The following CNBD1 variants were observed in gnomAD, a reference collection of about 807,000 sequenced individuals.
The protein encoded by CNBD1 is cyclic nucleotide-binding domain-containing protein 1.
In CNBD1, 71 loss-of-function variants were observed where a neutral mutation model predicts 54.4. The observed-to-expected ratio is 1.30, with a 90% CI of 1.08 to 1.59. The LOEUF (loss-of-function observed/expected upper bound fraction) is 1.59. CNBD1 is among the 40% of genes most tolerant of loss of function. The probability of loss-of-function intolerance (pLI) is 0.00; values close to 1 mark genes in which losing one functional copy is unlikely to be tolerated. For synonymous variants in CNBD1, 182 were observed against 170.7 expected (o/e 1.07, Z -0.51); for missense variants, 659 against 518.0 (o/e 1.27, Z -2.64).
intron 4 of CNBD1, among the ~76,000 whole-genome samples, chr8:87,107,772 C>G (rs1811571800): frequency 6.6e-6 from 1 of 152,144 alleles, no homozygotes; most frequent in East Asian, 1.9e-4. Flanking sequence ...AAGTATCTGA[C>G]CAATGGCACT....
intron 4 of CNBD1, among the ~76,000 whole-genome samples, chr8:87,132,508 A>C (rs1290590047): frequency 6.6e-6 from 1 of 150,542 alleles, no homozygotes; most frequent in African/African-American, 2.4e-5. Flanking sequence ...AATTTTTTTT[A>C]TTTACCCTGT....
chr8:87,074,120 A>T (rs1810816510), intron 4 of CNBD1, among the ~76,000 whole-genome samples: 2 of 143,252 alleles, frequency 1.4e-5, no homozygotes, highest in Non-Finnish European at 3.0e-5. Context: ...AAAAAAAGGC[A>T]GCAGTCTGGC....
chr8:87,421,319 A>T (rs1807932126), intron 2 of CNBD1, among the ~76,000 whole-genome samples: 1 of 151,306 alleles, frequency 6.6e-6, no homozygotes, highest in Non-Finnish European at 1.5e-5. Context: ...ACATGTGCAC[A>T]TTGTGCAGGT....
At chr8:87,395,910 G>A (rs375879786) in intron 2 of CNBD1, among the ~76,000 whole-genome samples, 20 of 151,902 alleles carry the variant, frequency 1.3e-4, no homozygotes, top group African/African-American at 2.9e-4. Flanking sequence ...CTCCTCCTTC[G>A]CTCAGTACCT....
chr8:87,363,966 TG>T (rs917481351), intron 10 of CNBD1, among the ~76,000 whole-genome samples: 65 of 129,264 alleles, frequency 5.0e-4, no homozygotes, highest in African/African-American at 1.2e-3. Flanking sequence ...TAGGAAATTT[TG>T]GTTTTTTTTT....
Position 87,382,626 on chromosome 8 carries a change from A to G in CNBD1, c.1310A>G (p.Ter437TrpextTer2). Residue 437 changes from the stop codon to tryptophan, a stop_lost, in exon 11 of 11, where the codon TAG becomes TGG. Coordinates refer to ENST00000518476, the MANE Select transcript of CNBD1 (RefSeq NM_173538.3). ...IIEDKDLFVA* is the reference protein window; with the variant it reads ...IIEDKDLFVAW ...GTTTGTTTGCCTTTTGCAGTGGCCT[A>G]GATCTAGAAACAACCTCAGTGAACA... 6.5e-7 allele frequency: 1 copy of G among 1,536,676 alleles called. No homozygotes were observed. Among genetic ancestry groups the G allele is most frequent in the Non-Finnish European group, 8.8e-7 (1 of 1,135,108 alleles).
At position 86,940,132 on chromosome 8, in the gene CNBD1, C is replaced by CTTTTTTTTTT. The variant is rs10671983; in HGVS notation, c.431+388_431+397dup. Among the ~76,000 whole-genome samples the CTTTTTTTTTT allele has an allele frequency of 7.6e-3, 671 of 88,670 alleles. 72 individuals carry two copies. Among genetic ancestry groups the CTTTTTTTTTT allele is most frequent in the African/African-American group, 0.017 (373 of 21,890 alleles). 58.2% of individuals were successfully genotyped at this position (88,670 alleles called of 152,430 possible). A position where few individuals can be genotyped will look rare whatever the true frequency, so the allele number is the denominator to read the frequency against. On this transcript the variant is annotated intron_variant, in intron 4 of 10. Transcript: ENST00000518476. ...CTTTAAATAAACTTACCACATGTTACTTTTTTTTTTTTTTTTTTTGAGACT... is the reference window on the plus strand; with the variant it reads ...CTTTAAATAAACTTACCACATGTTACTTTTTTTTTTTTTTTTTTTTTTTTTTTTTGAGACT...
At chr8:87,320,002 C>T (rs900695085) in intron 8 of CNBD1, among the ~76,000 whole-genome samples, 5 of 152,000 alleles carry the variant, frequency 3.3e-5, no homozygotes, top group African/African-American at 1.2e-4. Flanking sequence ...AGTATGTCCC[C>T]TAGCTTGGAA....
intron 4 of CNBD1, among the ~76,000 whole-genome samples, chr8:86,958,260 AT>A (rs1427415592): frequency 6.6e-6 from 1 of 152,158 alleles, no homozygotes; most frequent in Non-Finnish European, 1.5e-5. Context: ...TATGTGGTCA[AT>A]TTTGGAATAG....
intron 4 of CNBD1, among the ~76,000 whole-genome samples, chr8:86,949,849 C>T (rs113497227): frequency 2.1e-4 from 32 of 149,622 alleles, no homozygotes; most frequent in African/African-American, 6.2e-4. Context: ...CAGCATGGGT[C>T]TGTCATATAT....
At chr8:87,272,251 T>TA (rs1424576144) in intron 6 of CNBD1, among the ~76,000 whole-genome samples, 2 of 151,960 alleles carry the variant, frequency 1.3e-5, no homozygotes, top group Non-Finnish European at 2.9e-5. Context: ...TGATCCTAGA[T>TA]AAAAAATAAA....
At position 87,227,008 on chromosome 8, in the gene CNBD1, C is replaced by G. The variant is rs537117751; in HGVS notation, c.578-9911C>G. 9.9e-3 allele frequency among the ~76,000 whole-genome samples: 1,496 copies of G among 150,850 alleles called. 26 individuals are homozygous for G. Among genetic ancestry groups the G allele is most frequent in the African/African-American group, 0.035 (1,418 of 40,820 alleles). ...ACCATTATGTAATGGCCTTCTTTGT[C>G]TCTTTTGATCTTTGTTGGTTTGAAG... On this transcript the variant is annotated intron_variant, in intron 5 of 10. Transcript: ENST00000518476.
chr8:86,900,008 T>TC (rs1486712173), intron 2 of CNBD1, among the ~76,000 whole-genome samples: 29 of 151,422 alleles, frequency 1.9e-4, no homozygotes, highest in Non-Finnish European at 3.1e-4. Flanking sequence ...CCACTCACTT[T>TC]CCCCCCTCTT....
rs1166130042 is a variant in CNBD1, at chr8:87,377,925, G to C, written c.1304-4695G>C. ...CCAGTGATGATGAGCATTTTTTCAT[G>C]TGTTTTTTGGCTGCATAAATGTCTT... On this transcript the variant is annotated intron_variant, in intron 10 of 10. Coordinates refer to ENST00000518476, the MANE Select transcript of CNBD1 (RefSeq NM_173538.3). Among the ~76,000 whole-genome samples, 14 of 149,392 alleles carry C rather than the reference G, an allele frequency of 9.4e-5. No individual in the cohort carries two copies. The East Asian group carries it at 2.7e-3, about 29-fold the overall frequency.
chr8:86,930,719 A>AT (rs1256452186), intron 3 of CNBD1, among the ~76,000 whole-genome samples: 1 of 152,138 alleles, frequency 6.6e-6, no homozygotes, highest in Non-Finnish European at 1.5e-5. Flanking sequence ...TGAGTCTAAG[A>AT]TTTTGCACTA....
chr8:86,871,170 A>T (rs1174408167), intron 1 of CNBD1, among the ~76,000 whole-genome samples: 1 of 152,212 alleles, frequency 6.6e-6, no homozygotes, highest in African/African-American at 2.4e-5. Context: ...GGTACCTGGG[A>T]CTTCAGGCAG....
chr8:86,994,611 T>C (rs891069365), intron 4 of CNBD1, among the ~76,000 whole-genome samples: 2 of 152,016 alleles, frequency 1.3e-5, no homozygotes, highest in African/African-American at 4.8e-5. Context: ...ACAGCAAGAG[T>C]GGGTTCTTTC....
At chr8:87,180,703 C>T (rs1376090868) in intron 4 of CNBD1, among the ~76,000 whole-genome samples, 5 of 151,952 alleles carry the variant, frequency 3.3e-5, no homozygotes, top group African/African-American at 1.2e-4. Context: ...AGCAAAGAAA[C>T]CTACCCCTTA....
At chr8:87,205,428 T>G (rs1347967032) in intron 4 of CNBD1, among the ~76,000 whole-genome samples, 1 of 152,178 alleles carries the variant, frequency 6.6e-6, no homozygotes, top group Non-Finnish European at 1.5e-5. Context: ...TAGTGTTACA[T>G]TTATTGAAGA....
Sources: gnomAD v4.1 joint callset for allele counts (sites outside exome capture counted in the v4.1 genomes callset) on GRCh38, gnomAD v4.1.1 for gene constraint, MANE v1.5 for transcripts, NCBI Gene and HGNC (gene_info 2026-07-23, HGNC 2026-07-21) for gene names.